Variants in PPEF1 observed in about 807,000 individuals in gnomAD.
PPEF1 encodes the protein protein phosphatase with EF-hand domain 1, also known as serine/threonine-protein phosphatase with EF-hands 1.
In PPEF1, 12 loss-of-function variants were observed where a neutral mutation model predicts 53.3. The ratio of observed to expected loss-of-function variants is 0.23; its 90% CI spans 0.14 to 0.36. The LOEUF is 0.36. PPEF1 is among the 10% of genes least tolerant of loss of function. PPEF1 has a pLI of 1.00. For synonymous variants in PPEF1, 165 were observed against 176.7 expected (o/e 0.93, Z 0.52); for missense variants, 334 against 490.4 (o/e 0.68, Z 3.01).
upstream of PPEF1, among the ~76,000 whole-genome samples, chrX:18,703,245 CTT>C (rs1398054810): frequency 9.0e-6 from 1 of 111,083 alleles, no homozygotes; most frequent in Non-Finnish European, 1.9e-5. Context: ...AAAGAACTGA[CTT>C]TTTTTGTAAC....
At chrX:18,703,568 T>C (rs1231745393), upstream of PPEF1, among the ~76,000 whole-genome samples, 1 of 112,439 alleles carries the variant, frequency 8.9e-6, no homozygotes, top group Non-Finnish European at 1.9e-5. Flanking sequence ...CATTCATTCA[T>C]TCATTTAGCA....
In PPEF1 at chrX:18,779,000, C is replaced by T. The variant is rs746732537; in HGVS notation, c.559-10C>T. On this transcript the variant is annotated splice_polypyrimidine_tract_variant and intron_variant, in intron 6 of 15. Transcript: ENST00000470157. ...AATTCCTTGTTTTTTCCCTTCTCCT[C>T]CTTCCACAGAATGGTCTCCCCTCAG... is the stretch of plus-strand genomic sequence containing the variant. 8.5e-7 allele frequency: 1 copy of T among 1,182,757 alleles called. No homozygotes were observed. The highest frequency in any genetic ancestry group is 1.1e-6 in the Non-Finnish European group (1 of 872,902).
At chrX:18,771,943 C>T (rs1355675174) in intron 6 of PPEF1, among the ~76,000 whole-genome samples, 3 of 111,018 alleles carry the variant, frequency 2.7e-5, no homozygotes, top group African/African-American at 9.8e-5. Flanking sequence ...GGCGAAACCC[C>T]GTTTCTACTA....
Position 18,783,953 on chromosome X carries a change from A to G in PPEF1, c.817A>G (p.Ile273Val), listed in dbSNP as rs139114772. 1,442 of 1,206,179 alleles carry G rather than the reference A, an allele frequency of 1.2e-3. 13 individuals carry two copies. The South Asian group carries it at 0.02, about 17-fold the overall frequency. ...GGAAGAATTCTATGCCTGGCTCCCA[A>G]TCGGTACAATCGTTGACAATGAAAT... is the stretch of plus-strand genomic sequence containing the variant. ...ILEEFYAWLP[I>V]GTIVDNEILV... The change falls in exon 9 of 16, where the codon ATC (isoleucine) becomes GTC (valine). Residue 273 changes from isoleucine to valine, a missense_variant. Transcript: ENST00000470157.
At chrX:18,812,163 G>C (rs2046824852) in intron 12 of PPEF1, among the ~76,000 whole-genome samples, 1 of 111,363 alleles carries the variant, frequency 9.0e-6, no homozygotes, top group Non-Finnish European at 1.9e-5. Context: ...GTTAATTTTT[G>C]TGTATGGTGT....
chrX:18,717,041 T>G (rs1168043896), intron 1 of PPEF1, among the ~76,000 whole-genome samples: 1 of 107,255 alleles, frequency 9.3e-6, no homozygotes, highest in African/African-American at 3.4e-5. Flanking sequence ...ACATGCTCGG[T>G]GACTTTCCTC....
intron 1 of PPEF1, 84 bp downstream of exon 1, chrX:18,707,910 C>T: frequency 4.4e-6 from 4 of 900,784 alleles, no homozygotes; most frequent in Non-Finnish European, 6.4e-6. Context: ...CTCATTTACT[C>T]CCACGATGCT....
intron 4 of PPEF1, among the ~76,000 whole-genome samples, chrX:18,697,308 G>A (rs1226796799): frequency 1.8e-5 from 2 of 112,012 alleles, no homozygotes; most frequent in Non-Finnish European, 1.9e-5. Context: ...TGAAGAGGTG[G>A]AGAGGGCAGC....
chrX:18,717,080 T>C (rs2044474446), intron 1 of PPEF1, among the ~76,000 whole-genome samples: 1 of 107,099 alleles, frequency 9.3e-6, no homozygotes, highest in African/African-American at 3.4e-5. Context: ...TTTTTTTTTT[T>C]TGGTTTGTAT....
intron 10 of PPEF1, among the ~76,000 whole-genome samples, chrX:18,794,299 G>A (rs1435991136): frequency 9.5e-5 from 4 of 42,117 alleles, no homozygotes; most frequent in South Asian, 2.1e-3. Context: ...CATCCTCCTC[G>A]TAAATGCTTA....
chrX:18,779,139 A>G lies in PPEF1; in HGVS notation c.688A>G (p.Asn230Asp), dbSNP rs936034729. The change falls in exon 7 of 16, where the codon AAC (asparagine) becomes GAC (aspartate). Residue 230 changes from asparagine (N) to aspartate (D), a missense_variant. Transcript: ENST00000470157. ...FLVYPNDLHLNRGNHEDFMMN... is the reference protein window; with the variant it reads ...FLVYPNDLHLDRGNHEDFMMN... ...TGTCTACCCCAATGACCTGCACTTG[A>G]ACAGAGGGAACCACGAAGATTTTAT... is the stretch of plus-strand genomic sequence containing the variant. 1 of 1,207,712 alleles carries G rather than the reference A, an allele frequency of 8.3e-7. No individual in the cohort carries two copies. The highest frequency in any genetic ancestry group is 1.1e-6 in the Non-Finnish European group (1 of 893,385).
At chrX:18,750,150 A>G (rs111390142) in intron 4 of PPEF1, among the ~76,000 whole-genome samples, 198 bp downstream of exon 4, 1 of 112,046 alleles carries the variant, frequency 8.9e-6, no homozygotes, top group African/African-American at 3.2e-5. Flanking sequence ...GGCTAACAGC[A>G]TTTCATTTGC....
At chrX:18,736,297 C>T (rs1399453900) in intron 3 of PPEF1, among the ~76,000 whole-genome samples, 1 of 111,506 alleles carries the variant, frequency 9.0e-6, no homozygotes, top group Non-Finnish European at 1.9e-5. Context: ...TTTTGAGATA[C>T]GTCCCATCAA....
intron 10 of PPEF1, among the ~76,000 whole-genome samples, chrX:18,796,010 C>T (rs1051420759): frequency 8.9e-6 from 1 of 112,183 alleles, no homozygotes; most frequent in Admixed American, 9.5e-5. Context: ...GGCTGGAGTG[C>T]AGTGGCGCAA....
chrX:18,759,421 TTACATG>T (rs1266762620), intron 5 of PPEF1, among the ~76,000 whole-genome samples: 1 of 111,693 alleles, frequency 9.0e-6, no homozygotes, highest in Non-Finnish European at 1.9e-5. Context: ...ATGCATTTTT[TTACATG>T]TACATCTAAA....
intron 12 of PPEF1, among the ~76,000 whole-genome samples, chrX:18,808,154 A>AG (rs1406192023): frequency 9.4e-6 from 1 of 106,484 alleles, no homozygotes; most frequent in African/African-American, 3.5e-5. Context: ...TTTAGTAGAG[A>AG]GGGGGTTTCA....
chrX:18,775,390 AT>A (rs1407626003), intron 6 of PPEF1, among the ~76,000 whole-genome samples: 15 of 108,653 alleles, frequency 1.4e-4, no homozygotes, highest in African/African-American at 5.0e-4. Context: ...CGCCTGGCTA[AT>A]TTTTTGTACT....
intron 1 of PPEF1, among the ~76,000 whole-genome samples, chrX:18,714,298 A>G (rs11094750): frequency 0.46 from 41,574 of 89,815 alleles, 9,924 homozygotes; most frequent in East Asian, 0.64. Context: ...TTGAGATGGA[A>G]TCTCACTCTG....
intron 5 of PPEF1, among the ~76,000 whole-genome samples, chrX:18,760,707 A>G (rs2045643736): frequency 9.1e-6 from 1 of 109,498 alleles, no homozygotes; most frequent in Admixed American, 9.8e-5. Context: ...TCCCAGGGTC[A>G]AGCAATCTTC....
Sources: gnomAD v4.1 joint callset for allele counts (sites outside exome capture counted in the v4.1 genomes callset) on GRCh38, gnomAD v4.1.1 for gene constraint, MANE v1.5 for transcripts, NCBI Gene and HGNC (gene_info 2026-07-23, HGNC 2026-07-21) for gene names.